The following WASL variants were observed in gnomAD, a reference collection of about 807,000 sequenced individuals.
WASL encodes WASP like actin nucleation promoting factor.
WASL carries 20 observed loss-of-function variants against 55.5 expected under a neutral mutation model. The ratio of observed to expected loss-of-function variants is 0.36; its 90% CI spans 0.25 to 0.52. The LOEUF is 0.52. WASL is among the 20% of genes least tolerant of loss of function. The probability of loss-of-function intolerance (pLI) is 0.92; values close to 1 mark genes in which losing one functional copy is unlikely to be tolerated. For missense variants in WASL, 504 were observed against 622.5 expected (o/e 0.81, Z 2.03); for synonymous variants, 249 against 217.6 (o/e 1.14, Z -1.27).
intron 1 of WASL, among the ~76,000 whole-genome samples, chr7:123,736,376 A>T (rs1804228732): frequency 6.6e-6 from 1 of 152,234 alleles, no homozygotes; most frequent in South Asian, 2.1e-4. Context: ...CAGAAATGAT[A>T]ACCAAGTGAA....
At chr7:123,712,137 T>C (rs542618607) in intron 1 of WASL, among the ~76,000 whole-genome samples, 3 of 152,144 alleles carry the variant, frequency 2.0e-5, no homozygotes, top group Non-Finnish European at 2.9e-5. Context: ...ATGACTTTTA[T>C]TGGAGTTTTT....
chr7:123,710,006 C>T (rs9641717), intron 1 of WASL, among the ~76,000 whole-genome samples: 69,442 of 151,974 alleles, frequency 0.46, 16,128 homozygotes, highest in South Asian at 0.66. Flanking sequence ...ATGGACACTT[C>T]AGGGCATTAG....
At chr7:123,735,568 T>C (rs1216022552) in intron 1 of WASL, among the ~76,000 whole-genome samples, 1 of 152,078 alleles carries the variant, frequency 6.6e-6, no homozygotes, top group African/African-American at 2.4e-5. Flanking sequence ...AAAATGTAGC[T>C]AGAGCAAAGA....
rs1245401818 is a variant in WASL, at chr7:123,748,608, G to A, written c.117+10C>T. The A allele has an allele frequency of 2.5e-6, 4 of 1,612,876 alleles. No homozygotes were observed. The highest frequency in any genetic ancestry group is 3.3e-5 in the Admixed American group (2 of 60,004). On this transcript the variant is annotated intron_variant, in intron 1 of 10. Transcript: ENST00000223023. Reference sequence around the variant, plus strand: ...TGTCACGGGTGGCGACGCGGGTCTCGTCCACTGACCACACATTTCTTGCCG... The same window carrying A: ...TGTCACGGGTGGCGACGCGGGTCTCATCCACTGACCACACATTTCTTGCCG...
In WASL at chr7:123,683,483, TCAAAAGTTATC is replaced by T. The variant is rs1159837342; in HGVS notation, c.*1025_*1035del. ...TTCACATGCTATTTGACAAAAACCCTCAAAAGTTATCCAAATCAATGCATGTTCGGTTCCGT... is the reference window on the plus strand; with the variant it reads ...TTCACATGCTATTTGACAAAAACCCTCAAATCAATGCATGTTCGGTTCCGT... On this transcript the variant is annotated 3_prime_UTR_variant, in exon 11 of 11. Coordinates refer to ENST00000223023, the MANE Select transcript of WASL (RefSeq NM_003941.4). The T allele has an allele frequency of 6.6e-6, 1 of 151,956 alleles. No individual in the cohort carries two copies. Among genetic ancestry groups the T allele is most frequent in the African/African-American group, 2.4e-5 (1 of 41,402 alleles). The allele number at this position is 151,956 out of a possible 1,614,324, so 9.4% of individuals were successfully genotyped here.
At chr7:123,739,273 C>T (rs1022588987) in intron 1 of WASL, among the ~76,000 whole-genome samples, 3 of 152,172 alleles carry the variant, frequency 2.0e-5, no homozygotes, top group Admixed American at 1.3e-4. Context: ...ACTTACCATC[C>T]ACTATCTGCC....
chr7:123,732,816 C>T (rs554742305), intron 1 of WASL, among the ~76,000 whole-genome samples: 49 of 152,194 alleles, frequency 3.2e-4, no homozygotes, highest in African/African-American at 1.0e-3. Context: ...TTGAACCCAA[C>T]AATATATAAG....
In WASL at chr7:123,693,686, C is replaced by T. The variant is rs182825960; in HGVS notation, c.827-819G>A. Among the ~76,000 whole-genome samples, 22 of 152,322 alleles carry T rather than the reference C, an allele frequency of 1.4e-4. No individual in the cohort carries two copies. The East Asian group carries it at 4.0e-3, about 28-fold the overall frequency. ...AGATATAACAGAAAAATAAACTTGG[C>T]TGAGCATGGTGGCTCATGCCTGTAA... On this transcript the variant is annotated intron_variant, in intron 8 of 10. Coordinates refer to ENST00000223023, the MANE Select transcript of WASL (RefSeq NM_003941.4).
chr7:123,723,999 G>A (rs1298443889), intron 1 of WASL, among the ~76,000 whole-genome samples: 1 of 152,096 alleles, frequency 6.6e-6, no homozygotes, highest in Non-Finnish European at 1.5e-5. Flanking sequence ...TGTATATGCT[G>A]TTATATACAA....
At chr7:123,715,374 T>C (rs1803824050) in intron 1 of WASL, among the ~76,000 whole-genome samples, 1 of 152,166 alleles carries the variant, frequency 6.6e-6, no homozygotes, top group South Asian at 2.1e-4. Context: ...AGTCCCTACA[T>C]TCTGGTGAGA....
At chr7:123,704,569 T>C in intron 5 of WASL, 65 bp downstream of exon 5, 7 of 1,293,982 alleles carry the variant, frequency 5.4e-6, no homozygotes, top group South Asian at 2.6e-5. Flanking sequence ...GTATGGTACA[T>C]GTTTCCACAA....
intron 1 of WASL, among the ~76,000 whole-genome samples, chr7:123,709,559 C>T (rs1300387801): frequency 6.6e-6 from 1 of 151,990 alleles, no homozygotes. Flanking sequence ...TTGAGAAACC[C>T]GACACTAAAG....
chr7:123,737,596 CAAAA>C (rs34669724), intron 1 of WASL, among the ~76,000 whole-genome samples: 1 of 72,812 alleles, frequency 1.4e-5, no homozygotes. Flanking sequence ...CTCCGTCTCC[CAAAA>C]AAAAAAAAAA....
In WASL at chr7:123,683,460, C is replaced by CG. The variant is rs1394875916; in HGVS notation, c.*1058_*1059insC. 6.6e-6 allele frequency: 1 copy of CG among 151,826 alleles called. No individual in the cohort carries two copies. The highest frequency in any genetic ancestry group is 1.5e-5 in the Non-Finnish European group (1 of 67,906). The allele number at this position is 151,826 out of a possible 1,614,324, so 9.4% of individuals were successfully genotyped here. A position where few individuals can be genotyped will look rare whatever the true frequency, so the allele number is the denominator to read the frequency against. On this transcript the variant is annotated 3_prime_UTR_variant, in exon 11 of 11. Transcript: ENST00000223023. ...ATCTTTTAAGAAAAATGTAACTCTTCACATGCTATTTGACAAAAACCCTCA... is the reference window on the plus strand; with the variant it reads ...ATCTTTTAAGAAAAATGTAACTCTTCGACATGCTATTTGACAAAAACCCTCA...
At position 123,683,231 on chromosome 7, in the gene WASL, T is replaced by G. The variant is rs1803228774; in HGVS notation, c.*1288A>C. 2 of 152,098 alleles carry G rather than the reference T, an allele frequency of 1.3e-5. No homozygotes were observed. The highest frequency in any genetic ancestry group is 4.8e-5 in the African/African-American group (2 of 41,436). The allele number at this position is 152,098 out of a possible 1,614,324, so 9.4% of individuals were successfully genotyped here. ...ATAATTTTCTACCTAAAATTTAAAG[T>G]AGGTAGGTATGATAATTAGCATTAT... On this transcript the variant is annotated 3_prime_UTR_variant, in exon 11 of 11. Coordinates refer to ENST00000223023, the MANE Select transcript of WASL (RefSeq NM_003941.4).
Position 123,684,367 on chromosome 7 carries a change from G to A in WASL, c.*152C>T, listed in dbSNP as rs935350727. ...CGACAAACCTTTACAGATTAAATGAGGTATTGCACAGATTAAAAAAAAGCA... is the reference window on the plus strand; with the variant it reads ...CGACAAACCTTTACAGATTAAATGAAGTATTGCACAGATTAAAAAAAAGCA... On this transcript the variant is annotated 3_prime_UTR_variant, in exon 11 of 11. Transcript: ENST00000223023. The A allele has an allele frequency of 1.9e-5, 6 of 314,742 alleles. No homozygotes were observed. Among genetic ancestry groups the A allele is most frequent in the Admixed American group, 7.8e-5 (2 of 25,592 alleles). 19.5% of individuals were successfully genotyped at this position (314,742 alleles called of 1,614,324 possible). A position where few individuals can be genotyped will look rare whatever the true frequency, so the allele number is the denominator to read the frequency against.
rs777016043 is a variant in WASL at position 123,692,649 on chromosome 7, C to T, written c.1045G>A (p.Ala349Thr). 1.3e-6 allele frequency: 2 copies of T among 1,573,774 alleles called. No individual in the cohort carries two copies. Among genetic ancestry groups the T allele is most frequent in the Non-Finnish European group, 1.7e-6 (2 of 1,162,626 alleles). ...CCTGAAGGTGCTGAGGAGGGAAGGG[C>T]TGGAGGTGGAGGAGGGTACATCCTA... Reference protein sequence around the residue: ...PNRMYPPPPPALPSSAPSGPP... With the variant: ...PNRMYPPPPPTLPSSAPSGPP... Residue 349 changes from alanine (A) to threonine (T), a missense_variant, in exon 9 of 11, where the codon GCC (alanine) becomes ACC (threonine). Around this residue, in one of 5 missense-constraint regions of WASL, gnomAD observed 201 missense variants for 206.2 expected, o/e 0.97. Transcript: ENST00000223023.
chr7:123,701,598 T>C (rs1273621488), intron 5 of WASL, among the ~76,000 whole-genome samples: 12 of 152,214 alleles, frequency 7.9e-5, no homozygotes, highest in African/African-American at 2.9e-4. Context: ...ATCTTTTTAA[T>C]AATTAAAATT....
At chr7:123,710,186 C>A (rs975537437) in intron 1 of WASL, among the ~76,000 whole-genome samples, 6 of 152,042 alleles carry the variant, frequency 3.9e-5, no homozygotes, top group African/African-American at 1.4e-4. Context: ...TACAAATCCT[C>A]TGAAAGCCAT....
Sources: gnomAD v4.1 joint callset for allele counts (sites outside exome capture counted in the v4.1 genomes callset) on GRCh38, gnomAD v4.1.1 for gene constraint, gnomAD v4.1.1 regional missense constraint, MANE v1.5 for transcripts, NCBI Gene and HGNC (gene_info 2026-07-23, HGNC 2026-07-21) for gene names.